The following UBTD2 variants were observed in gnomAD, a reference collection of about 807,000 sequenced individuals.
The protein encoded by UBTD2 is ubiquitin domain-containing protein 2.
Under a neutral mutation model 19.8 loss-of-function variants are expected in UBTD2, and 9 were observed. The ratio of observed to expected loss-of-function variants is 0.46; its 90% CI spans 0.27 to 0.79. The LOEUF (loss-of-function observed/expected upper bound fraction) is 0.79, where lower values mean the gene tolerates loss of function less well. Ranked by LOEUF, UBTD2 falls within the 30% of genes least tolerant of loss-of-function variation. The pLI is 0.14. For missense variants in UBTD2, 250 were observed against 300.4 expected (o/e 0.83, Z 1.24); for synonymous variants, 98 against 103.9 (o/e 0.94, Z 0.35).
chr5:172,272,368 G>A (rs907360707), intron 1 of UBTD2, among the ~76,000 whole-genome samples: 1 of 152,176 alleles, frequency 6.6e-6, no homozygotes, highest in Non-Finnish European at 1.5e-5. Context: ...CTCAAGAAAA[G>A]CTTGCTGGCA....
intron 2 of UBTD2, among the ~76,000 whole-genome samples, chr5:172,220,677 G>C (rs1357567520): frequency 6.6e-6 from 1 of 152,070 alleles, no homozygotes; most frequent in African/African-American, 2.4e-5. Context: ...ACTTAATGAT[G>C]AGAAACTCAA....
In UBTD2 at chr5:172,211,462, A is replaced by T. The variant is rs1200714789; in HGVS notation, c.*368T>A. ...TAATTTGATATATTTTTCTAAAAAA[A>T]TTCTGTATTCAAAAAGGTGCTTGGT... On this transcript the variant is annotated 3_prime_UTR_variant, in exon 3 of 3. Coordinates refer to ENST00000393792, the MANE Select transcript of UBTD2 (RefSeq NM_152277.3). The T allele has an allele frequency of 2.4e-5, 4 of 167,590 alleles. No homozygotes were observed. Among genetic ancestry groups the T allele is most frequent in the African/African-American group, 9.5e-5 (4 of 42,056 alleles). 10.4% of individuals were successfully genotyped at this position (167,590 alleles called of 1,614,324 possible). A position where few individuals can be genotyped will look rare whatever the true frequency, so the allele number is the denominator to read the frequency against.
chr5:172,229,946 A>G (rs1199413605), intron 2 of UBTD2, among the ~76,000 whole-genome samples: 4 of 152,198 alleles, frequency 2.6e-5, no homozygotes, highest in Admixed American at 6.5e-5. Context: ...GTAATGGCAA[A>G]ATAGCAATCA....
At chr5:172,213,589 C>A (rs182149751) in intron 2 of UBTD2, among the ~76,000 whole-genome samples, 17 of 152,256 alleles carry the variant, frequency 1.1e-4, no homozygotes, top group African/African-American at 4.1e-4. Flanking sequence ...AACTTCCTTA[C>A]AAATCATATA....
At chr5:172,235,147 G>GT (rs1771982635) in intron 1 of UBTD2, among the ~76,000 whole-genome samples, 1 of 151,106 alleles carries the variant, frequency 6.6e-6, no homozygotes, top group African/African-American at 2.5e-5. Flanking sequence ...TGCCTAGAAG[G>GT]TAAGTGTTTC....
chr5:172,241,884 T>C (rs541277599), intron 1 of UBTD2, among the ~76,000 whole-genome samples: 1 of 152,182 alleles, frequency 6.6e-6, no homozygotes, highest in South Asian at 2.1e-4. Context: ...CTGGGTGTAG[T>C]TGTATATACC....
chr5:172,231,060 G>A (rs1045825638), intron 2 of UBTD2, among the ~76,000 whole-genome samples: 2 of 152,178 alleles, frequency 1.3e-5, no homozygotes, highest in African/African-American at 4.8e-5. Flanking sequence ...TGGGATTACA[G>A]GCGTAAGCCA....
At position 172,259,152 on chromosome 5, in the gene UBTD2, G is replaced by GT. The variant is rs371446643; in HGVS notation, c.70+24443dup. ...CTACTTTGTTGAGGGTTTTTGTTTT[G>GT]TTTTTTTTGAGACAGAGTCTCGTTA... On this transcript the variant is annotated intron_variant, in intron 1 of 2. Transcript: ENST00000393792. Among the ~76,000 whole-genome samples the GT allele has an allele frequency of 3.6e-3, 544 of 151,632 alleles. 3 individuals carry two copies. The highest frequency in any genetic ancestry group is 0.012 in the African/African-American group (493 of 41,356).
chr5:172,215,391 C>T (rs1293262745), intron 2 of UBTD2, among the ~76,000 whole-genome samples: 1 of 152,180 alleles, frequency 6.6e-6, no homozygotes, highest in African/African-American at 2.4e-5. Flanking sequence ...GCTCTAGCCC[C>T]TTCTAGCCAT....
chr5:172,255,827 G>A (rs978650999), intron 1 of UBTD2, among the ~76,000 whole-genome samples: 1 of 152,178 alleles, frequency 6.6e-6, no homozygotes, highest in African/African-American at 2.4e-5. Context: ...AGTGGCTCAC[G>A]CCTGCAATCC....
At chr5:172,267,325 A>G (rs1755396831) in intron 1 of UBTD2, among the ~76,000 whole-genome samples, 2 of 152,242 alleles carry the variant, frequency 1.3e-5, no homozygotes, top group African/African-American at 4.8e-5. Flanking sequence ...TGCCATCTTT[A>G]CGCATATATG....
intron 2 of UBTD2, among the ~76,000 whole-genome samples, chr5:172,226,392 G>A (rs567759393): frequency 6.6e-6 from 1 of 151,772 alleles, no homozygotes; most frequent in Admixed American, 6.6e-5. Flanking sequence ...TGGTGAGTCT[G>A]TTTCCTCAAG....
intron 1 of UBTD2, among the ~76,000 whole-genome samples, chr5:172,253,965 G>C (rs1250249905): frequency 2.0e-5 from 3 of 152,138 alleles, no homozygotes; most frequent in African/African-American, 7.2e-5. Context: ...GGTAAGGAGA[G>C]GGAGGATTAG....
At chr5:172,246,673 C>A (rs1481472196) in intron 1 of UBTD2, among the ~76,000 whole-genome samples, 1 of 149,964 alleles carries the variant, frequency 6.7e-6, no homozygotes, top group Non-Finnish European at 1.5e-5. Flanking sequence ...CGAACTCCTG[C>A]CCTTAAGTGA....
intron 1 of UBTD2, chr5:172,254,431 A>G: frequency 2.4e-6 from 1 of 409,872 alleles, no homozygotes; most frequent in Non-Finnish European, 4.6e-6. Flanking sequence ...GGACGGGAAA[A>G]GCTACGGTTA....
chr5:172,278,221 G>C (rs1254492464), intron 1 of UBTD2, among the ~76,000 whole-genome samples: 6 of 152,094 alleles, frequency 3.9e-5, no homozygotes, highest in African/African-American at 1.2e-4. Context: ...CCAAAGTTCA[G>C]AGCTGCATCA....
intron 1 of UBTD2, among the ~76,000 whole-genome samples, chr5:172,242,022 C>T (rs532165171): frequency 1.3e-3 from 199 of 152,326 alleles, no homozygotes; most frequent in African/African-American, 4.5e-3. Flanking sequence ...TCATGAATGG[C>T]TTGGTGCCCT....
chr5:172,230,153 C>T (rs1771860886), intron 2 of UBTD2, among the ~76,000 whole-genome samples: 1 of 152,224 alleles, frequency 6.6e-6, no homozygotes, highest in African/African-American at 2.4e-5. Context: ...TGAAAATATA[C>T]CGTATGTGTA....
chr5:172,276,250 G>C (rs1179636000), intron 1 of UBTD2, among the ~76,000 whole-genome samples: 1 of 151,990 alleles, frequency 6.6e-6, no homozygotes, highest in Non-Finnish European at 1.5e-5. Context: ...GTACATAATA[G>C]TGGTTCAACT....
Sources: allele counts gnomAD v4.1 joint callset (sites outside exome capture counted in the v4.1 genomes callset), GRCh38; gene constraint gnomAD v4.1.1; transcripts MANE v1.5; gene names NCBI Gene and HGNC (gene_info 2026-07-23, HGNC 2026-07-21).